Variants in NCALD observed in about 807,000 individuals in gnomAD.
The protein encoded by NCALD is neurocalcin delta, also known as neurocalcin-delta.
NCALD carries 10 observed loss-of-function variants against 18.6 expected under a neutral mutation model. The ratio of observed to expected loss-of-function variants is 0.54; its 90% confidence interval spans 0.33 to 0.91. NCALD has a LOEUF of 0.91. NCALD is among the 40% of genes least tolerant of loss of function. NCALD has a pLI of 0.03. For synonymous variants in NCALD, 88 were observed against 87.4 expected (o/e 1.01, Z -0.04); for missense variants, 184 against 247.6 (o/e 0.74, Z 1.72).
chr8:102,006,186 A>G (rs1009236218), intron 2 of NCALD, among the ~76,000 whole-genome samples: 3 of 152,174 alleles, frequency 2.0e-5, no homozygotes, highest in Admixed American at 6.5e-5. Context: ...ATATTTACTT[A>G]TTTAGCTGGA....
At chr8:102,018,097 C>G (rs1382638682) in intron 2 of NCALD, among the ~76,000 whole-genome samples, 2 of 152,276 alleles carry the variant, frequency 1.3e-5, no homozygotes, top group East Asian at 1.9e-4. Flanking sequence ...GCTAGAGGAG[C>G]TGTGGAACAA....
intron 2 of NCALD, among the ~76,000 whole-genome samples, chr8:102,012,669 G>C (rs769737199): frequency 6.6e-6 from 1 of 152,216 alleles, no homozygotes; most frequent in Non-Finnish European, 1.5e-5. Context: ...CATGCAGTGA[G>C]CTTCTGAAAC....
intron 2 of NCALD, among the ~76,000 whole-genome samples, chr8:101,714,990 C>CGA (rs1247122376): frequency 7.5e-6 from 1 of 133,792 alleles, no homozygotes; most frequent in African/African-American, 3.2e-5. Flanking sequence ...GGCGACAGAG[C>CGA]GAGACTCCGT....
At chr8:101,964,566 G>C (rs1819953350) in intron 2 of NCALD, among the ~76,000 whole-genome samples, 1 of 152,224 alleles carries the variant, frequency 6.6e-6, no homozygotes, top group Admixed American at 6.5e-5. Flanking sequence ...ATTTGGAATT[G>C]GTGCACATGA....
At position 101,840,115 on chromosome 8, in the gene NCALD, A is replaced by AT. The variant is rs565523894; in HGVS notation, c.-20+47025dup. Among the ~76,000 whole-genome samples the AT allele has an allele frequency of 5.8e-3, 860 of 147,338 alleles. 9 individuals carry two copies. The highest frequency in any genetic ancestry group is 0.021 in the African/African-American group (811 of 37,918). ...TTATCTGTCATCCATAAGCAACAAA[A>AT]TAAAAAAAAAAAAACACAGCTGAAG... On this transcript the variant is annotated intron_variant, in intron 4 of 6. Transcript: ENST00000311028.
At chr8:101,836,525 TA>T (rs1406959354) in intron 4 of NCALD, among the ~76,000 whole-genome samples, 1 of 152,126 alleles carries the variant, frequency 6.6e-6, no homozygotes, top group Non-Finnish European at 1.5e-5. Context: ...TTGACTGGAG[TA>T]AATCAATAAG....
chr8:101,719,635 C>T lies in NCALD; in HGVS notation c.-6G>A, dbSNP rs570098457. The T allele has an allele frequency of 5.9e-5, 92 of 1,559,592 alleles. No homozygotes were observed. The highest frequency in any genetic ancestry group is 3.3e-4 in the African/African-American group (24 of 72,462). On this transcript the variant is annotated 5_prime_UTR_variant, in exon 2 of 4. Transcript: ENST00000220931. ...TTGCTGTTCTGTTTCCCCATCCTGG[C>T]GGCAAGAATTCAGCTGCAGATAGAA... is the stretch of plus-strand genomic sequence containing the variant.
chr8:101,894,921 T>C (rs934380074), intron 3 of NCALD, among the ~76,000 whole-genome samples: 55 of 150,988 alleles, frequency 3.6e-4, no homozygotes, highest in Non-Finnish European at 6.0e-4. Context: ...CACAGCCGAA[T>C]TCTACCAGAG....
intron 2 of NCALD, among the ~76,000 whole-genome samples, chr8:101,934,406 G>A (rs775106072): frequency 2.6e-5 from 4 of 152,106 alleles, no homozygotes; most frequent in Non-Finnish European, 5.9e-5. Context: ...GAGTGGATAA[G>A]CTCCCGCAAG....
intron 2 of NCALD, among the ~76,000 whole-genome samples, chr8:101,967,553 T>A (rs1820075845): frequency 6.6e-6 from 1 of 152,090 alleles, no homozygotes; most frequent in African/African-American, 2.4e-5. Context: ...ATCAATTGGT[T>A]AAGTGTCCCA....
chr8:101,763,305 G>T (rs1268960188), intron 1 of NCALD, among the ~76,000 whole-genome samples: 1 of 152,164 alleles, frequency 6.6e-6, no homozygotes, highest in Non-Finnish European at 1.5e-5. Context: ...CAATGCAAGT[G>T]GCAAGCTATG....
At chr8:101,867,756 A>C (rs1815831773) in intron 4 of NCALD, among the ~76,000 whole-genome samples, 1 of 152,208 alleles carries the variant, frequency 6.6e-6, no homozygotes, top group Non-Finnish European at 1.5e-5. Context: ...TGATGAGCCT[A>C]CTGAAAAATG....
At position 101,913,968 on chromosome 8, in the gene NCALD, C is replaced by A. The variant is rs4734600; in HGVS notation, c.-107+1841G>T. Among the ~76,000 whole-genome samples, 360 of 152,282 alleles carry A rather than the reference C, an allele frequency of 2.4e-3. 7 individuals are homozygous for A. Among genetic ancestry groups the A allele is most frequent in the Admixed American group, 0.023 (345 of 15,296 alleles). On this transcript the variant is annotated intron_variant, in intron 3 of 6. Transcript: ENST00000311028. ...AGATAATACAGAAAGTTCTTGTATA[C>A]CCCATACCCAGTTTTCCCAAATATT... is the stretch of plus-strand genomic sequence containing the variant.
chr8:101,701,516 C>A (rs965950744), intron 2 of NCALD, among the ~76,000 whole-genome samples: 1 of 152,162 alleles, frequency 6.6e-6, no homozygotes, highest in African/African-American at 2.4e-5. Flanking sequence ...GTGACCAGAG[C>A]CCCTATCAGC....
At chr8:101,977,119 G>A (rs1394106638) in intron 2 of NCALD, among the ~76,000 whole-genome samples, 1 of 151,616 alleles carries the variant, frequency 6.6e-6, no homozygotes, top group East Asian at 2.0e-4. Flanking sequence ...AAAGAAAAAT[G>A]GTTATTTCTC....
chr8:101,907,899 G>C (rs1311807234), intron 3 of NCALD, among the ~76,000 whole-genome samples: 5 of 152,198 alleles, frequency 3.3e-5, no homozygotes, highest in Non-Finnish European at 7.3e-5. Context: ...GTTCATAATA[G>C]CTACGTGCCT....
At chr8:101,973,060 G>C (rs1400077584) in intron 2 of NCALD, among the ~76,000 whole-genome samples, 2 of 152,138 alleles carry the variant, frequency 1.3e-5, no homozygotes, top group African/African-American at 2.4e-5. Flanking sequence ...GGAAGAGAAG[G>C]GCAGTGATAT....
intron 1 of NCALD, among the ~76,000 whole-genome samples, chr8:101,738,675 T>C (rs1458799491): frequency 6.6e-6 from 1 of 151,450 alleles, no homozygotes; most frequent in African/African-American, 2.4e-5. Flanking sequence ...TAAGGCACAA[T>C]GGTTAAGGAC....
chr8:102,085,267 C>A (rs1381936324), intron 1 of NCALD, among the ~76,000 whole-genome samples: 1 of 152,142 alleles, frequency 6.6e-6, no homozygotes, highest in Non-Finnish European at 1.5e-5. Context: ...AAACTGCCAC[C>A]CAATTGTGAA....
Sources: allele counts gnomAD v4.1 joint callset (sites outside exome capture counted in the v4.1 genomes callset), GRCh38; gene constraint gnomAD v4.1.1; transcripts MANE v1.5; gene names NCBI Gene and HGNC (gene_info 2026-07-23, HGNC 2026-07-21).